RAB3GAP2: variants seen among roughly 807,000 people sequenced by gnomAD.
RAB3GAP2 encodes the protein RAB3 GTPase activating non-catalytic protein subunit 2.
Under a neutral mutation model 185.3 loss-of-function variants are expected in RAB3GAP2, and 87 were observed. That is an observed-to-expected ratio of 0.47 (90% CI 0.39 to 0.56). RAB3GAP2 has a LOEUF of 0.56. Among genes scored for constraint, RAB3GAP2 ranks in the 20% least tolerant of loss-of-function variants. The pLI is 0.00. For missense variants in RAB3GAP2, 1,492 were observed against 1,638.2 expected (o/e 0.91, Z 1.54); for synonymous variants, 554 against 576.1 (o/e 0.96, Z 0.55).
chr1:220,228,957 G>T (rs1440612871), intron 2 of RAB3GAP2, among the ~76,000 whole-genome samples: 4 of 152,192 alleles, frequency 2.6e-5, no homozygotes. Flanking sequence ...TTTAGAATGA[G>T]TAGAAGCATC....
chr1:220,253,653 A>G, intron 1 of RAB3GAP2: 2 of 1,596,150 alleles, frequency 1.3e-6, no homozygotes, highest in African/African-American at 1.3e-5. Context: ...TTTATGAAGC[A>G]AAGTGTGTAA....
At chr1:220,183,584 TG>T (rs1409496081) in intron 19 of RAB3GAP2, among the ~76,000 whole-genome samples, 2 of 152,138 alleles carry the variant, frequency 1.3e-5, no homozygotes, top group Non-Finnish European at 2.9e-5. Flanking sequence ...CATGTATTAC[TG>T]TATAATCAGA....
chr1:220,168,783 T>C (rs955674724), intron 24 of RAB3GAP2, among the ~76,000 whole-genome samples: 17 of 152,264 alleles, frequency 1.1e-4, no homozygotes, highest in African/African-American at 3.9e-4. Context: ...CATTATATCA[T>C]GTCTCAGTCA....
At chr1:220,184,012 A>G in intron 19 of RAB3GAP2, 24 bp downstream of exon 19, 1 of 1,431,548 alleles carries the variant, frequency 7.0e-7, no homozygotes, top group Non-Finnish European at 9.6e-7. Context: ...TATTTTATAT[A>G]ATATAAAATG....
chr1:220,157,378 G>T lies in RAB3GAP2; in HGVS notation c.3447C>A (p.His1149Gln). The T allele has an allele frequency of 6.2e-7, 1 of 1,613,464 alleles. No homozygotes were observed. Among genetic ancestry groups the T allele is most frequent in the Non-Finnish European group, 8.5e-7 (1 of 1,179,952 alleles). ...GGTGCTCCACCAGTGGGTAGTGGATGTGCTTCTGTTCAAGGGCCAGTTCCA... is the reference window on the plus strand; with the variant it reads ...GGTGCTCCACCAGTGGGTAGTGGATTTGCTTCTGTTCAAGGGCCAGTTCCA... ...SIVELALEQKHIHYPLVEHHS... is the reference protein window; with the variant it reads ...SIVELALEQKQIHYPLVEHHS... Residue 1149 changes from histidine to glutamine, a missense_variant, in exon 31 of 35, where the codon CAC (histidine) becomes CAA (glutamine). His to Gln is a conservative substitution (Grantham distance 24). Around this residue, in one of 5 missense-constraint regions of RAB3GAP2, gnomAD observed 387 missense variants for 455.3 expected, o/e 0.85. Coordinates refer to ENST00000358951, the MANE Select transcript of RAB3GAP2 (RefSeq NM_012414.4).
chr1:220,210,542 A>C lies in RAB3GAP2; in HGVS notation c.511-53T>G. 2.9e-6 allele frequency: 4 copies of C among 1,361,784 alleles called. No individual in the cohort carries two copies. In the South Asian group the frequency reaches 4.6e-5, roughly 16 times the overall value. The allele number at this position is 1,361,784 out of a possible 1,614,324, so 84.4% of individuals were successfully genotyped here. Reference sequence around the variant, plus strand: ...GCTTGTTTTCTTACCAATATACCTTAGCAGGTATGGCCAGGCAAAGAGTAC... The same window carrying C: ...GCTTGTTTTCTTACCAATATACCTTCGCAGGTATGGCCAGGCAAAGAGTAC... On this transcript the variant is annotated intron_variant, in intron 6 of 34. Transcript: ENST00000358951.
chr1:220,183,061 A>G, intron 19 of RAB3GAP2, 130 bp from the exon 20 acceptor site: 1 of 708,274 alleles, frequency 1.4e-6, no homozygotes, highest in Non-Finnish European at 2.4e-6. Context: ...TTCTGCTTAA[A>G]ACTTTACTTA....
At chr1:220,160,008 C>T (rs1236849113) in intron 28 of RAB3GAP2, among the ~76,000 whole-genome samples, 1 of 151,502 alleles carries the variant, frequency 6.6e-6, no homozygotes, top group Non-Finnish European at 1.5e-5. Context: ...CAGAGTGAGA[C>T]TCCATCCCAC....
chr1:220,184,214 T>A (rs780823139), intron 18 of RAB3GAP2, 51 bp from the exon 19 acceptor site: 3 of 1,501,800 alleles, frequency 2.0e-6, no homozygotes, highest in Non-Finnish European at 2.8e-6. Context: ...AACAGACTCA[T>A]AAACAGGCTT....
intron 2 of RAB3GAP2, among the ~76,000 whole-genome samples, chr1:220,214,975 T>TATATATATATATATATAC (rs1360144410): frequency 6.9e-6 from 1 of 144,810 alleles, no homozygotes; most frequent in Admixed American, 6.9e-5. Context: ...TATATATATA[T>TATATATATATATATATAC]ACTTCTATAC....
intron 1 of RAB3GAP2, among the ~76,000 whole-genome samples, chr1:220,240,771 T>TTATACC (rs1329168473): frequency 6.6e-6 from 1 of 152,166 alleles, no homozygotes; most frequent in African/African-American, 2.4e-5. Flanking sequence ...AACTTTTTTT[T>TTATACC]TATACCTATC....
chr1:220,169,287 G>T (rs1370249805), intron 24 of RAB3GAP2, among the ~76,000 whole-genome samples: 1 of 152,170 alleles, frequency 6.6e-6, no homozygotes, highest in African/African-American at 2.4e-5. Context: ...CTGATAAAAA[G>T]TGTGAGCCCC....
At chr1:220,247,674 C>T (rs116714090) in intron 1 of RAB3GAP2, among the ~76,000 whole-genome samples, 102 of 152,132 alleles carry the variant, frequency 6.7e-4, no homozygotes, top group African/African-American at 2.4e-3. Flanking sequence ...GATGGGTGCA[C>T]TAAAAATCTC....
At position 220,186,441 on chromosome 1, in the gene RAB3GAP2, C is replaced by A. The variant is rs575338403; in HGVS notation, c.1780-700G>T. On this transcript the variant is annotated intron_variant, in intron 17 of 34. Transcript: ENST00000358951. ...TCCGATCATAACACAATAACCTCTGCGTGTTTGTGGAGGAGAAATGGGCTT... is the reference window on the plus strand; with the variant it reads ...TCCGATCATAACACAATAACCTCTGAGTGTTTGTGGAGGAGAAATGGGCTT... 5.9e-5 allele frequency among the ~76,000 whole-genome samples: 9 copies of A among 152,092 alleles called. No homozygotes were observed. The South Asian group carries it at 1.2e-3, about 21-fold the overall frequency.
intron 4 of RAB3GAP2, chr1:220,211,389 C>G: frequency 2.1e-6 from 1 of 465,516 alleles, no homozygotes; most frequent in Non-Finnish European, 4.3e-6. Context: ...AGAACTTCAG[C>G]CTGCCTCTTG....
intron 1 of RAB3GAP2, among the ~76,000 whole-genome samples, chr1:220,239,771 T>A (rs1480348698): frequency 6.6e-6 from 1 of 152,064 alleles, no homozygotes; most frequent in Non-Finnish European, 1.5e-5. Flanking sequence ...CATTAAAGGA[T>A]TTTTATATTT....
chr1:220,257,329 G>C (rs1025102855), intron 1 of RAB3GAP2, among the ~76,000 whole-genome samples: 5 of 151,598 alleles, frequency 3.3e-5, no homozygotes, highest in Non-Finnish European at 5.9e-5. Flanking sequence ...AGTGAGTGAA[G>C]ATCATGCCAC....
chr1:220,167,383 G>A lies in RAB3GAP2; in HGVS notation c.2997C>T (p.Ala999=). The A allele has an allele frequency of 6.2e-7, 1 of 1,614,170 alleles. No individual in the cohort carries two copies. Among genetic ancestry groups the A allele is most frequent in the Non-Finnish European group, 8.5e-7 (1 of 1,180,008 alleles). The change falls in exon 26 of 35, where the codon GCC becomes GCT. Residue 999 remains alanine, a synonymous_variant. Coordinates refer to ENST00000358951, the MANE Select transcript of RAB3GAP2 (RefSeq NM_012414.4). ...LGAIPDLLHL[A]YEQFPCSLEL... ...CAAGGCTACAAGGAAACTGCTCATAGGCTAAATGCAGTAAGTCTGAAAGTC... is the reference window on the plus strand; with the variant it reads ...CAAGGCTACAAGGAAACTGCTCATAAGCTAAATGCAGTAAGTCTGAAAGTC...
chr1:220,161,556 G>A (rs1657964396), intron 28 of RAB3GAP2, among the ~76,000 whole-genome samples: 1 of 152,140 alleles, frequency 6.6e-6, no homozygotes, highest in Non-Finnish European at 1.5e-5. Context: ...TACTCATGCT[G>A]GTTGTAGATG....
Sources: gnomAD v4.1 joint callset for allele counts (sites outside exome capture counted in the v4.1 genomes callset) on GRCh38, gnomAD v4.1.1 for gene constraint, gnomAD v4.1.1 regional missense constraint, MANE v1.5 for transcripts, NCBI Gene and HGNC (gene_info 2026-07-23, HGNC 2026-07-21) for gene names.